PPFIA2: variants seen among roughly 807,000 people sequenced by gnomAD.
PPFIA2 encodes liprin-alpha-2.
Under a neutral mutation model 175.5 loss-of-function variants are expected in PPFIA2, and 46 were observed. The ratio of observed to expected loss-of-function variants is 0.26; its 90% confidence interval spans 0.21 to 0.34. The LOEUF (loss-of-function observed/expected upper bound fraction) is 0.34. Among genes scored for constraint, PPFIA2 ranks in the 10% least tolerant of loss-of-function variants. The pLI is 1.00. For missense variants in PPFIA2, 1,179 were observed against 1,506.1 expected (o/e 0.78, Z 3.60); for synonymous variants, 568 against 511.4 (o/e 1.11, Z -1.49).
In PPFIA2 at chr12:81,384,138, C is replaced by T. The variant is rs751787544; in HGVS notation, c.869G>A (p.Arg290His). The change falls in exon 9 of 33, where the codon CGT becomes CAT. Residue 290 changes from arginine to histidine, a missense_variant. By Grantham distance (29) the Arg-to-His change is conservative. Coordinates refer to ENST00000549396, the MANE Select transcript of PPFIA2 (RefSeq NM_003625.5). ...CACTCGGGAAGAAAGGGCTGCTAAA[C>T]GTTCTTTCATCTGGGCCATTTCATA... is the stretch of plus-strand genomic sequence containing the variant. ...QNYEMAQMKERLAALSSRVGE... is the reference protein window; with the variant it reads ...QNYEMAQMKEHLAALSSRVGE... 1.3e-5 allele frequency: 21 copies of T among 1,610,524 alleles called. No homozygotes were observed. Among genetic ancestry groups the T allele is most frequent in the Middle Eastern group, 1.6e-4 (1 of 6,070 alleles).
chr12:81,301,371 A>G (rs927020744), intron 22 of PPFIA2, among the ~76,000 whole-genome samples: 1 of 152,208 alleles, frequency 6.6e-6, no homozygotes, highest in African/African-American at 2.4e-5. Flanking sequence ...TTTGCTTCAC[A>G]TAGTAAAAAA....
intron 4 of PPFIA2, among the ~76,000 whole-genome samples, chr12:81,657,650 A>G (rs1192232911): frequency 6.6e-6 from 1 of 152,232 alleles, no homozygotes; most frequent in African/African-American, 2.4e-5. Context: ...TTTATTTTCT[A>G]AATAAATTTG....
chr12:81,259,812 G>A lies in PPFIA2; in HGVS notation c.*34-152C>T, dbSNP rs193207296. ...ATCATCTAGGATGTAGCCAACAGCC[G>A]TATGTAATTAACATTTGCTTTTCTC... On this transcript the variant is annotated intron_variant, in intron 32 of 32. Coordinates refer to ENST00000549396, the MANE Select transcript of PPFIA2 (RefSeq NM_003625.5). 1,415 of 519,056 alleles carry A rather than the reference G, an allele frequency of 2.7e-3. 4 individuals carry two copies. The highest frequency in any genetic ancestry group is 3.7e-3 in the Non-Finnish European group (1,134 of 306,354). 32.2% of individuals were successfully genotyped at this position (519,056 alleles called of 1,614,324 possible).
At chr12:81,429,275 T>G (rs1309665452) in intron 7 of PPFIA2, among the ~76,000 whole-genome samples, 1 of 151,982 alleles carries the variant, frequency 6.6e-6, no homozygotes, top group Non-Finnish European at 1.5e-5. Flanking sequence ...AAGTGAGTAA[T>G]TTGCAAAGGC....
chr12:81,359,958 CCTT>C (rs766164231), intron 15 of PPFIA2, among the ~76,000 whole-genome samples: 2 of 151,920 alleles, frequency 1.3e-5, no homozygotes, highest in Non-Finnish European at 2.9e-5. Context: ...GCTGTACTGA[CCTT>C]CTTTCAATTC....
At chr12:81,598,003 A>C (rs1769423199) in intron 4 of PPFIA2, 1 of 1,535,152 alleles carries the variant, frequency 6.5e-7, no homozygotes, top group South Asian at 1.2e-5. Flanking sequence ...TAGGGGAGCC[A>C]GAAACGGTGT....
intron 4 of PPFIA2, among the ~76,000 whole-genome samples, chr12:81,585,724 CA>C (rs1341960586): frequency 6.6e-6 from 1 of 151,770 alleles, no homozygotes; most frequent in African/African-American, 2.4e-5. Context: ...GACTATTTCA[CA>C]GTTAAGTTTT....
chr12:81,455,966 AG>A (rs1269779883), intron 5 of PPFIA2, among the ~76,000 whole-genome samples: 1 of 152,188 alleles, frequency 6.6e-6, no homozygotes, highest in Non-Finnish European at 1.5e-5. Flanking sequence ...TGAAGAAAAA[AG>A]GCTAGATGAA....
intron 4 of PPFIA2, among the ~76,000 whole-genome samples, chr12:81,667,933 G>A (rs2070666690): frequency 6.6e-6 from 1 of 151,952 alleles, no homozygotes; most frequent in African/African-American, 2.4e-5. Context: ...GTTGGGGCAG[G>A]GATATGAAAG....
intron 4 of PPFIA2, among the ~76,000 whole-genome samples, chr12:81,585,273 T>G (rs2075150157): frequency 6.6e-6 from 1 of 150,646 alleles, no homozygotes; most frequent in South Asian, 2.1e-4. Flanking sequence ...GTAAACGATG[T>G]ACACTTGGGC....
intron 23 of PPFIA2, among the ~76,000 whole-genome samples, chr12:81,297,890 G>T (rs2046878951): frequency 6.6e-6 from 1 of 152,178 alleles, no homozygotes; most frequent in African/African-American, 2.4e-5. Context: ...TCATTCATTG[G>T]ATCACTCAGC....
At chr12:81,275,885 C>T (rs766213344) in intron 28 of PPFIA2, among the ~76,000 whole-genome samples, 3 of 151,366 alleles carry the variant, frequency 2.0e-5, no homozygotes, top group Admixed American at 1.3e-4. Flanking sequence ...CCAGGGTTCA[C>T]GCCATTCTCC....
At chr12:81,625,061 T>G (rs889541950) in intron 4 of PPFIA2, among the ~76,000 whole-genome samples, 5 of 151,876 alleles carry the variant, frequency 3.3e-5, no homozygotes, top group Non-Finnish European at 7.4e-5. Flanking sequence ...CTAAATAAAC[T>G]GATTTTATTA....
chr12:81,756,760 T>G (rs1485767986), intron 2 of PPFIA2, among the ~76,000 whole-genome samples: 4 of 152,160 alleles, frequency 2.6e-5, no homozygotes, highest in Non-Finnish European at 5.9e-5. Flanking sequence ...TAAGTATTAA[T>G]TTCTATTATA....
intron 4 of PPFIA2, among the ~76,000 whole-genome samples, chr12:81,649,950 G>GAACTACATACAT (rs2066761681): frequency 6.6e-6 from 1 of 152,052 alleles, no homozygotes; most frequent in South Asian, 2.1e-4. Context: ...TATATTGATT[G>GAACTACATACAT]TCATGGTGAT....
intron 4 of PPFIA2, among the ~76,000 whole-genome samples, chr12:81,633,821 TG>T (rs1176170900): frequency 6.6e-6 from 1 of 152,058 alleles, no homozygotes; most frequent in Non-Finnish European, 1.5e-5. Context: ...ATTTTGTTTT[TG>T]TTTTGTGTTT....
At chr12:81,269,616 C>T (rs1178899386) in intron 28 of PPFIA2, among the ~76,000 whole-genome samples, 4 of 152,230 alleles carry the variant, frequency 2.6e-5, no homozygotes, top group Non-Finnish European at 5.9e-5. Context: ...CCTCATGCAA[C>T]TTCTCAGGCA....
intron 32 of PPFIA2, among the ~76,000 whole-genome samples, chr12:81,261,561 G>A (rs759680898): frequency 6.6e-6 from 1 of 151,986 alleles, no homozygotes; most frequent in Non-Finnish European, 1.5e-5. Context: ...ATCCCTATCC[G>A]CTACCTTGGC....
chr12:81,681,525 A>C (rs2073631665), intron 3 of PPFIA2, among the ~76,000 whole-genome samples: 1 of 152,028 alleles, frequency 6.6e-6, no homozygotes. Flanking sequence ...TGAGGAGTCT[A>C]CATTGCACTG....
Sources: gnomAD v4.1 joint callset for allele counts (sites outside exome capture counted in the v4.1 genomes callset) on GRCh38, gnomAD v4.1.1 for gene constraint, MANE v1.5 for transcripts, NCBI Gene and HGNC (gene_info 2026-07-23, HGNC 2026-07-21) for gene names.